The following ATL2 variants were observed in gnomAD, a reference collection of about 807,000 sequenced individuals.
The protein encoded by ATL2 is atlastin-2.
ATL2 carries 31 observed loss-of-function variants against 73.9 expected under a neutral mutation model. That is an observed-to-expected ratio of 0.42 (90% CI 0.32 to 0.57). The LOEUF is 0.57. Ranked by LOEUF, ATL2 falls within the 20% of genes least tolerant of loss-of-function variation. ATL2 has a pLI of 0.14. For missense variants in ATL2, 738 were observed against 702.6 expected, an observed-to-expected ratio of 1.05 and a Z score of -0.57; for synonymous variants, 291 against 237.5, an observed-to-expected ratio of 1.23 and a Z score of -2.07.
At chr2:38,310,723 C>T (rs1213693082) in intron 7 of ATL2, among the ~76,000 whole-genome samples, 3 of 151,300 alleles carry the variant, frequency 2.0e-5, no homozygotes, top group Admixed American at 6.6e-5. Flanking sequence ...CCGCAACCTC[C>T]GCCTCCCAGG....
chr2:38,340,443 C>T (rs1669649586), intron 2 of ATL2, among the ~76,000 whole-genome samples: 1 of 152,042 alleles, frequency 6.6e-6, no homozygotes, highest in African/African-American at 2.4e-5. Context: ...TTGAGTGTAA[C>T]ATTTATTTAG....
chr2:38,323,352 T>TG (rs1300210085), intron 2 of ATL2, among the ~76,000 whole-genome samples: 1 of 106,464 alleles, frequency 9.4e-6, no homozygotes, highest in Non-Finnish European at 1.7e-5. Context: ...ACCAGAAGTT[T>TG]TTTTTTTTTT....
At chr2:38,314,729 G>GTCTTCT in intron 5 of ATL2, 65 bp from the exon 6 acceptor site, 2 of 1,017,774 alleles carry the variant, frequency 2.0e-6, no homozygotes, top group Non-Finnish European at 2.9e-6. Flanking sequence ...GTGTAAACCT[G>GTCTTCT]TTCCACACCA....
At chr2:38,377,090 G>C in intron 1 of ATL2, 53 bp downstream of exon 1, 1 of 1,549,776 alleles carries the variant, frequency 6.5e-7, no homozygotes, top group Non-Finnish European at 8.8e-7. Context: ...AGCCCGAGCA[G>C]CGAGCGTCTC....
At chr2:38,365,142 CACACACACACACACACACACACAAAT>C (rs1207992868) in intron 1 of ATL2, among the ~76,000 whole-genome samples, 5 of 147,960 alleles carry the variant, frequency 3.4e-5, no homozygotes, top group African/African-American at 7.8e-5. Context: ...CATACACACA[CACACACACACACACACACACACAAAT>C]ACACACACAC....
chr2:38,373,225 C>T (rs963541558), intron 1 of ATL2, among the ~76,000 whole-genome samples: 9 of 152,084 alleles, frequency 5.9e-5, no homozygotes, highest in East Asian at 1.9e-4. Context: ...GAAGCATTGC[C>T]GCCACAATCA....
At chr2:38,364,014 A>C (rs933040535) in intron 1 of ATL2, among the ~76,000 whole-genome samples, 1 of 152,248 alleles carries the variant, frequency 6.6e-6, no homozygotes, top group African/African-American at 2.4e-5. Context: ...CTGTAATCCC[A>C]GCACTTTGGG....
At chr2:38,325,770 A>G (rs1668622314) in intron 2 of ATL2, among the ~76,000 whole-genome samples, 1 of 144,734 alleles carries the variant, frequency 6.9e-6, no homozygotes, top group Non-Finnish European at 1.5e-5. Context: ...ACCAGTCCCC[A>G]CAACAAAAGC....
upstream of ATL2, among the ~76,000 whole-genome samples, chr2:38,378,351 T>C (rs975281385): frequency 1.3e-5 from 2 of 152,200 alleles, no homozygotes; most frequent in Admixed American, 6.5e-5. Context: ...AGCAATTCTC[T>C]GCCTCAGCCT....
In ATL2 at chr2:38,295,432, A is replaced by G. The variant is rs1362765332; in HGVS notation, c.*562T>C. ...ATTTAAAAAGGCAAGACAAATGTAC[A>G]CCTCAGAATTACTTTCTTAGCTACA... On this transcript the variant is annotated 3_prime_UTR_variant, in exon 13 of 13. Transcript: ENST00000378954. 3 of 152,224 alleles carry G rather than the reference A, an allele frequency of 2.0e-5. No homozygotes were observed. The highest frequency in any genetic ancestry group is 2.9e-5 in the Non-Finnish European group (2 of 68,048). The allele number at this position is 152,224 out of a possible 1,614,324, so 9.4% of individuals were successfully genotyped here. A position where few individuals can be genotyped will look rare whatever the true frequency, so the allele number is the denominator to read the frequency against.
At chr2:38,351,675 T>G (rs1670355172) in intron 1 of ATL2, among the ~76,000 whole-genome samples, 1 of 151,988 alleles carries the variant, frequency 6.6e-6, no homozygotes, top group Non-Finnish European at 1.5e-5. Context: ...TTTGTATTTT[T>G]ACTAGAGATG....
At chr2:38,337,279 G>C (rs1382137688) in intron 2 of ATL2, among the ~76,000 whole-genome samples, 1 of 151,750 alleles carries the variant, frequency 6.6e-6, no homozygotes, top group African/African-American at 2.4e-5. Flanking sequence ...GAGGTCAGGA[G>C]TTCCATACCA....
chr2:38,374,068 T>G (rs1671832491), intron 1 of ATL2, among the ~76,000 whole-genome samples: 1 of 152,156 alleles, frequency 6.6e-6, no homozygotes, highest in African/African-American at 2.4e-5. Flanking sequence ...ATTTTGCATT[T>G]TTAGTAGAGA....
At chr2:38,326,569 A>G (rs929184456) in intron 2 of ATL2, among the ~76,000 whole-genome samples, 5 of 152,244 alleles carry the variant, frequency 3.3e-5, no homozygotes, top group African/African-American at 1.2e-4. Flanking sequence ...AAAAATCCAC[A>G]CTAGGTATAT....
intron 9 of ATL2, among the ~76,000 whole-genome samples, chr2:38,300,595 G>A (rs1667135135): frequency 6.6e-6 from 1 of 152,032 alleles, no homozygotes; most frequent in African/African-American, 2.4e-5. Flanking sequence ...TCTTCTTTAT[G>A]AAAAGAAATT....
At chr2:38,313,088 G>T in intron 7 of ATL2, 63 bp downstream of exon 7, 1 of 1,185,576 alleles carries the variant, frequency 8.4e-7, no homozygotes, top group South Asian at 1.3e-5. Context: ...CAGCAGTCCG[G>T]ACAGCCCACC....
At chr2:38,359,500 T>C (rs892091648) in intron 1 of ATL2, 1 of 151,956 alleles carries the variant, frequency 6.6e-6, no homozygotes, top group African/African-American at 2.4e-5. Flanking sequence ...AAAAATGCTT[T>C]AAAGAGTATA....
chr2:38,377,386 T>G (rs941152059), upstream of ATL2: 235 of 723,168 alleles, frequency 3.2e-4, 3 homozygotes, highest in East Asian at 6.6e-3. Context: ...CTCCTCGCCC[T>G]CCGCCTGTAT....
At chr2:38,343,672 G>C (rs2124410919) in intron 1 of ATL2, among the ~76,000 whole-genome samples, 160 bp from the exon 2 acceptor site, 1 of 152,112 alleles carries the variant, frequency 6.6e-6, no homozygotes, top group South Asian at 2.1e-4. Context: ...CTCTGTGACA[G>C]GACAAAGAAT....
Sources: allele counts gnomAD v4.1 joint callset (sites outside exome capture counted in the v4.1 genomes callset), GRCh38; gene constraint gnomAD v4.1.1; transcripts MANE v1.5; gene names NCBI Gene and HGNC (gene_info 2026-07-23, HGNC 2026-07-21).